HECTD4: variants seen among roughly 807,000 people sequenced by gnomAD.
HECTD4 encodes HECT domain E3 ubiquitin protein ligase 4.
HECTD4 carries 114 observed loss-of-function variants against 471.5 expected under a neutral mutation model. That is an observed-to-expected ratio of 0.24 (90% CI 0.21 to 0.28). HECTD4 has a LOEUF of 0.28. Among genes scored for constraint, HECTD4 ranks in the 10% least tolerant of loss-of-function variants. HECTD4 has a pLI of 1.00. For synonymous variants in HECTD4, 2,012 were observed against 2,256.0 expected (o/e 0.89, Z 3.07); for missense variants, 3,866 against 5,651.5 (o/e 0.68, Z 10.13).
In HECTD4 at chr12:112,203,654, G is replaced by T; in HGVS notation, c.8388C>A (p.Val2796=). 1 of 1,613,286 alleles carries T rather than the reference G, an allele frequency of 6.2e-7. No individual in the cohort carries two copies. The highest frequency in any genetic ancestry group is 1.1e-5 in the South Asian group (1 of 90,934). Residue 2796 remains valine, a synonymous_variant, in exon 54 of 76, where the codon GTC becomes GTA. Transcript: ENST00000682272. ...CACTCACTGAATCAACATCTAAGAC[G>T]ACTCCATGAAGCCCAAAGGTTTTCA... ...GMLKTFGLHG[V]VLDVDSVNEL...
Position 112,228,867 on chromosome 12 carries a change from C to T in HECTD4, c.6520-56G>A. The T allele has an allele frequency of 1.3e-6, 2 of 1,524,258 alleles. No homozygotes were observed. Among genetic ancestry groups the T allele is most frequent in the South Asian group, 1.2e-5 (1 of 84,246 alleles). The allele number at this position is 1,524,258 out of a possible 1,614,324, so 94.4% of individuals were successfully genotyped here. On this transcript the variant is annotated intron_variant, in intron 41 of 75. Coordinates refer to ENST00000682272, the MANE Select transcript of HECTD4 (RefSeq NM_001388303.1). The surrounding 1 kb of genome is among the most constrained non-coding windows in gnomAD (Gnocchi z 4.9). ...CCAGCTCTGACGTGTGGGCAGCTGT[C>T]TTACGAGACAAGAGGAAAAAGTAAA...
In HECTD4 at chr12:112,254,076, G is replaced by A. The variant is rs772418226; in HGVS notation, c.3414C>T (p.Val1138=). 3.7e-6 allele frequency: 6 copies of A among 1,613,968 alleles called. No homozygotes were observed. The highest frequency in any genetic ancestry group is 2.2e-5 in the East Asian group (1 of 44,884). ...GNTLGYGSRS[V]LGTGWPKDLV... ...AGTCTTTCGGCCAACCAGTTCCTAA[G>A]ACACTACGGCTGCCATATCCCAGTG... The change falls in exon 22 of 76, where the codon GTC becomes GTT. Residue 1138 remains valine (V), a synonymous_variant. Coordinates refer to ENST00000682272, the MANE Select transcript of HECTD4 (RefSeq NM_001388303.1).
chr12:112,353,623 TTCGA>T (rs1337130745), intron 1 of HECTD4, among the ~76,000 whole-genome samples: 3 of 151,858 alleles, frequency 2.0e-5, no homozygotes, highest in Non-Finnish European at 4.4e-5. Flanking sequence ...AGGTCAGGAG[TTCGA>T]TACCAGTCTG....
intron 7 of HECTD4, among the ~76,000 whole-genome samples, chr12:112,288,198 T>C (rs1034530033): frequency 6.6e-6 from 1 of 151,510 alleles, no homozygotes; most frequent in Non-Finnish European, 1.5e-5. Flanking sequence ...TGTGGTGGTA[T>C]GCACCTGTAA....
intron 1 of HECTD4, among the ~76,000 whole-genome samples, chr12:112,378,769 C>T (rs977607368): frequency 2.6e-4 from 39 of 152,272 alleles, no homozygotes; most frequent in African/African-American, 9.4e-4. Context: ...ACCGGCCAGA[C>T]GCTGTGGCTC....
At chr12:112,308,374 G>A (rs545916414) in intron 6 of HECTD4, among the ~76,000 whole-genome samples, 26 of 146,180 alleles carry the variant, frequency 1.8e-4, no homozygotes, top group African/African-American at 6.5e-4. Flanking sequence ...CAGAGAGGCT[G>A]TTTAGAACAA....
intron 1 of HECTD4, among the ~76,000 whole-genome samples, chr12:112,379,616 C>T (rs372944852): frequency 1.3e-5 from 2 of 151,986 alleles, no homozygotes; most frequent in East Asian, 3.8e-4. Context: ...ATTGCCTCAA[C>T]CCGGGAGGTG....
intron 52 of HECTD4, among the ~76,000 whole-genome samples, chr12:112,206,717 T>C (rs913931641): frequency 1.3e-5 from 2 of 152,048 alleles, no homozygotes; most frequent in Non-Finnish European, 2.9e-5. Context: ...TTTGTATTTT[T>C]AGTAGAGACG....
chr12:112,260,483 A>G (rs1464755181), intron 18 of HECTD4, among the ~76,000 whole-genome samples: 1 of 152,172 alleles, frequency 6.6e-6, no homozygotes, highest in Non-Finnish European at 1.5e-5. Flanking sequence ...GGAAGCAAAA[A>G]TTACACTGTA....
chr12:112,351,303 C>T (rs10492016), intron 1 of HECTD4, among the ~76,000 whole-genome samples: 3,579 of 152,242 alleles, frequency 0.024, 149 homozygotes, highest in African/African-American at 0.08. Context: ...GCCTCATGAT[C>T]GCGTCAGAAG....
rs551451063 is a variant in HECTD4, at chr12:112,319,284, G to A, written c.636C>T (p.His212=). ...WLEETSDTGR[H]IPHKQKENAA... ...CATTTTCTTTTTGCTTATGTGGGATGTGTCGGCCTGTGTCAGAAGTCTCCT... is the reference window on the plus strand; with the variant it reads ...CATTTTCTTTTTGCTTATGTGGGATATGTCGGCCTGTGTCAGAAGTCTCCT... The change falls in exon 2 of 76, where the codon CAC becomes CAT. Residue 212 remains histidine (H), a synonymous_variant. Transcript: ENST00000682272. This position sits in a 1 kb window ranked among gnomAD's most constrained non-coding sequence, Gnocchi z 5.3. The A allele has an allele frequency of 3.3e-6, 5 of 1,536,182 alleles. No homozygotes were observed. In the Admixed American group the frequency reaches 7.8e-5, roughly 24 times the overall value.
chr12:112,164,930 C>CTT (rs763630508), intron 72 of HECTD4, among the ~76,000 whole-genome samples: 6 of 127,370 alleles, frequency 4.7e-5, no homozygotes, highest in South Asian at 5.1e-4. Context: ...ACCGCTTTTT[C>CTT]TTTTTTTTTT....
At chr12:112,268,726 A>G (rs2034338074) in intron 13 of HECTD4, among the ~76,000 whole-genome samples, 2 of 151,244 alleles carry the variant, frequency 1.3e-5, no homozygotes, top group South Asian at 4.2e-4. Flanking sequence ...ACTGCACTCG[A>G]GCCTGGGCAA....
At chr12:112,335,987 T>C (rs2135720636) in intron 1 of HECTD4, among the ~76,000 whole-genome samples, 1 of 151,664 alleles carries the variant, frequency 6.6e-6, no homozygotes, top group East Asian at 1.9e-4. Flanking sequence ...TGAAGTTATA[T>C]ACCATCACCC....
At chr12:112,208,231 C>T (rs530255523) in intron 51 of HECTD4, among the ~76,000 whole-genome samples, 1 of 152,364 alleles carries the variant, frequency 6.6e-6, no homozygotes, top group Non-Finnish European at 1.5e-5. Flanking sequence ...AGCACTTTCA[C>T]AGGATTCTGA....
At chr12:112,268,163 G>C (rs1466952228) in intron 13 of HECTD4, among the ~76,000 whole-genome samples, 1 of 152,032 alleles carries the variant, frequency 6.6e-6, no homozygotes, top group Non-Finnish European at 1.5e-5. Flanking sequence ...TTAATCAAGT[G>C]CACATATTTA....
chr12:112,228,081 G>C lies in HECTD4; in HGVS notation c.6854+8C>G. On this transcript the variant is annotated splice_region_variant and intron_variant, in intron 43 of 75. Coordinates refer to ENST00000682272, the MANE Select transcript of HECTD4 (RefSeq NM_001388303.1). This position sits in a 1 kb window ranked among gnomAD's most constrained non-coding sequence, Gnocchi z 4.9. ...CAGCACATAAGGCAATGTGGGGAGG[G>C]TACTCACCTTGTCCTTATTTCAGCA... 6.2e-7 allele frequency: 1 copy of C among 1,605,138 alleles called. No individual in the cohort carries two copies.
chr12:112,184,362 C>T lies in HECTD4; in HGVS notation c.10604G>A (p.Ser3535Asn). The T allele has an allele frequency of 1.2e-6, 2 of 1,612,290 alleles. No homozygotes were observed. Among genetic ancestry groups the T allele is most frequent in the Non-Finnish European group, 8.5e-7 (1 of 1,179,624 alleles). ...LEPHAVSSQE[S>N]LDISLCSTGS... is the part of the protein sequence containing the mutation. Reference sequence around the variant, plus strand: ...GGTGCTGCACAGGGAAATGTCCAGGCTTTCCTGGCTGGACACCGCGTGGGG... The same window carrying T: ...GGTGCTGCACAGGGAAATGTCCAGGTTTTCCTGGCTGGACACCGCGTGGGG... The change falls in exon 61 of 76, where the codon AGC (serine) becomes AAC (asparagine). Residue 3535 changes from serine to asparagine, a missense_variant. Transcript: ENST00000682272. The surrounding 1 kb of genome is among the most constrained non-coding windows in gnomAD (Gnocchi z 9.1).
At chr12:112,189,959 G>C (rs1490021743) in intron 60 of HECTD4, among the ~76,000 whole-genome samples, 1 of 152,128 alleles carries the variant, frequency 6.6e-6, no homozygotes, top group Non-Finnish European at 1.5e-5. Flanking sequence ...CATCATGTTG[G>C]TCAGGCTGGT....
Sources: allele counts gnomAD v4.1 joint callset (sites outside exome capture counted in the v4.1 genomes callset), GRCh38; gene constraint gnomAD v4.1.1; non-coding constraint Gnocchi (gnomAD v3.1); transcripts MANE v1.5; gene names NCBI Gene and HGNC (gene_info 2026-07-23, HGNC 2026-07-21).